The following SLC38A9 variants were observed in gnomAD, a reference collection of about 807,000 sequenced individuals.
The protein encoded by SLC38A9 is solute carrier family 38 member 9.
SLC38A9 carries 48 observed loss-of-function variants against 62.3 expected under a neutral mutation model. That is an observed-to-expected ratio of 0.77 (90% CI 0.61 to 0.98). The LOEUF (loss-of-function observed/expected upper bound fraction) is 0.98. SLC38A9 is among the 50% of genes least tolerant of loss of function. The probability of loss-of-function intolerance (pLI) is 0.00; values close to 1 mark genes in which losing one functional copy is unlikely to be tolerated. For synonymous variants in SLC38A9, 204 were observed against 227.7 expected (o/e 0.90, Z 0.94); for missense variants, 541 against 679.8 (o/e 0.80, Z 2.27).
intron 2 of SLC38A9, 74 bp from the exon 3 acceptor site, chr5:55,698,066 A>G (rs1405423800): frequency 8.5e-6 from 5 of 589,184 alleles, no homozygotes; most frequent in South Asian, 2.5e-5. Context: ...ATATTCATGA[A>G]TAACAAATTG....
intron 3 of SLC38A9, among the ~76,000 whole-genome samples, chr5:55,682,651 T>C (rs555843594): frequency 6.6e-6 from 1 of 152,138 alleles, no homozygotes; most frequent in East Asian, 1.9e-4. Context: ...GACATGCACT[T>C]GTACTCTCAG....
chr5:55,683,615 AT>A (rs1753344463), intron 3 of SLC38A9, among the ~76,000 whole-genome samples: 1 of 152,170 alleles, frequency 6.6e-6, no homozygotes, highest in Non-Finnish European at 1.5e-5. Flanking sequence ...AATTAGTTTC[AT>A]TTGCTTTCAA....
chr5:55,704,467 G>T (rs1456834331), intron 2 of SLC38A9: 1 of 152,176 alleles, frequency 6.6e-6, no homozygotes, highest in African/African-American at 2.4e-5. Flanking sequence ...AAACCTATAA[G>T]TTAGTAAGTA....
At chr5:55,639,272 T>TAA (rs753043231) in intron 12 of SLC38A9, among the ~76,000 whole-genome samples, 70 of 54,488 alleles carry the variant, frequency 1.3e-3, no homozygotes, top group South Asian at 3.8e-3. Flanking sequence ...AAACTCTGTC[T>TAA]AAAAAAAAAA....
At position 55,645,896 on chromosome 5, in the gene SLC38A9, C is replaced by G; in HGVS notation, c.1061-1G>C. ...AGCTGTGGAAACTGAAATCTTATCT[C>G]TAGGAGAAAAATAAAAACAAGAACA... On this transcript the variant is annotated splice_acceptor_variant, in intron 11 of 15. Coordinates refer to ENST00000396865, the MANE Select transcript of SLC38A9 (RefSeq NM_173514.4). LOFTEE classifies it high-confidence loss of function. The G allele has an allele frequency of 7.0e-6, 11 of 1,577,764 alleles. No individual in the cohort carries two copies. Among genetic ancestry groups the G allele is most frequent in the Non-Finnish European group, 9.5e-6 (11 of 1,162,090 alleles).
intron 3 of SLC38A9, chr5:55,691,232 A>T: frequency 9.3e-7 from 1 of 1,072,608 alleles, no homozygotes; most frequent in Non-Finnish European, 1.4e-6. Flanking sequence ...GAAATGTAAT[A>T]GACTAAGTCT....
At chr5:55,687,878 T>C (rs1754151360) in intron 3 of SLC38A9, among the ~76,000 whole-genome samples, 1 of 152,084 alleles carries the variant, frequency 6.6e-6, no homozygotes, top group African/African-American at 2.4e-5. Flanking sequence ...TTTGTATTTT[T>C]AGTAGAGACA....
intron 7 of SLC38A9, among the ~76,000 whole-genome samples, chr5:55,665,513 C>T (rs1262200495): frequency 1.3e-5 from 2 of 148,516 alleles, no homozygotes; most frequent in Non-Finnish European, 3.0e-5. Flanking sequence ...TGCCACTGCA[C>T]TCCAGCCTAG....
At chr5:55,685,138 T>C (rs555987164) in intron 3 of SLC38A9, among the ~76,000 whole-genome samples, 1 of 152,336 alleles carries the variant, frequency 6.6e-6, no homozygotes, top group South Asian at 2.1e-4. Flanking sequence ...CTTTTCTAGT[T>C]ATTCTCAACA....
chr5:55,642,516 C>T (rs1334962241), intron 12 of SLC38A9, among the ~76,000 whole-genome samples: 6 of 152,140 alleles, frequency 3.9e-5, no homozygotes, highest in Non-Finnish European at 7.3e-5. Context: ...TTGAGAAGCA[C>T]AGCTTTATGG....
intron 3 of SLC38A9, among the ~76,000 whole-genome samples, chr5:55,684,873 C>T (rs189949861): frequency 9.9e-5 from 15 of 152,212 alleles, no homozygotes; most frequent in Admixed American, 7.8e-4. Context: ...AGGCTAGTCT[C>T]GAACTCCTGA....
intron 3 of SLC38A9, among the ~76,000 whole-genome samples, chr5:55,677,926 T>TTGTGTG (rs10682261): frequency 0.08 from 8,906 of 111,992 alleles, 469 homozygotes; most frequent in East Asian, 0.16. Context: ...TTTTTCTTTA[T>TTGTGTG]TGTGTGTGTG....
At chr5:55,675,386 T>C (rs1751954561) in intron 3 of SLC38A9, 1 of 152,202 alleles carries the variant, frequency 6.6e-6, no homozygotes, top group Non-Finnish European at 1.5e-5. Flanking sequence ...TCAAAAAATA[T>C]ACAACTCAGC....
At chr5:55,652,928 T>C (rs1434960343) in intron 9 of SLC38A9, among the ~76,000 whole-genome samples, 1 of 152,082 alleles carries the variant, frequency 6.6e-6, no homozygotes, top group Non-Finnish European at 1.5e-5. Context: ...TAAATAAGGG[T>C]GAGGGAATCT....
chr5:55,686,509 C>G (rs1482744419), intron 3 of SLC38A9, among the ~76,000 whole-genome samples: 1 of 152,134 alleles, frequency 6.6e-6, no homozygotes, highest in Admixed American at 6.5e-5. Flanking sequence ...CTTATAGATG[C>G]TGGATATTAG....
chr5:55,700,106 C>T (rs1345617029), intron 2 of SLC38A9, among the ~76,000 whole-genome samples: 2 of 151,596 alleles, frequency 1.3e-5, no homozygotes, highest in African/African-American at 4.9e-5. Flanking sequence ...TTGCGGGGGT[C>T]GAGGTGGGCA....
chr5:55,648,921 C>T (rs1746881459), intron 11 of SLC38A9, among the ~76,000 whole-genome samples: 1 of 152,064 alleles, frequency 6.6e-6, no homozygotes, highest in African/African-American at 2.4e-5. Context: ...AATGTAATAG[C>T]ACATTATATA....
chr5:55,680,226 TAGAG>T (rs59019385), intron 3 of SLC38A9, among the ~76,000 whole-genome samples: 3 of 151,348 alleles, frequency 2.0e-5, no homozygotes, highest in East Asian at 1.9e-4. Context: ...TATATATATA[TAGAG>T]AGAGAGAGAT....
intron 2 of SLC38A9, among the ~76,000 whole-genome samples, chr5:55,705,054 C>A (rs1159210822): frequency 6.6e-6 from 1 of 151,980 alleles, no homozygotes; most frequent in African/African-American, 2.4e-5. Flanking sequence ...GAAGGACATA[C>A]AAGAAGAAAC....
Sources: allele counts gnomAD v4.1 joint callset (sites outside exome capture counted in the v4.1 genomes callset), GRCh38; gene constraint gnomAD v4.1.1; transcripts MANE v1.5; gene names NCBI Gene and HGNC (gene_info 2026-07-23, HGNC 2026-07-21).